ROR1: variants seen among roughly 807,000 people sequenced by gnomAD.
ROR1 encodes the protein ROR family WNT receptor 1, also known as inactive tyrosine-protein kinase transmembrane receptor ROR1.
Under a neutral mutation model 78.8 loss-of-function variants are expected in ROR1, and 19 were observed. The observed-to-expected ratio is 0.24, with a 90% CI of 0.17 to 0.35. The LOEUF (loss-of-function observed/expected upper bound fraction) is 0.35, where lower values mean the gene tolerates loss of function less well. ROR1 is among the 10% of genes least tolerant of loss of function. ROR1 has a pLI of 1.00. For synonymous variants in ROR1, 386 were observed against 433.6 expected (o/e 0.89, Z 1.36); for missense variants, 917 against 1,177.8 (o/e 0.78, Z 3.24).
At chr1:64,127,396 C>A (rs558653008) in intron 4 of ROR1, among the ~76,000 whole-genome samples, 21 of 152,034 alleles carry the variant, frequency 1.4e-4, no homozygotes, top group African/African-American at 4.8e-4. Flanking sequence ...GTATAGTAAG[C>A]TTTCATCTCT....
intron 1 of ROR1, among the ~76,000 whole-genome samples, chr1:63,778,168 T>G (rs1428224635): frequency 6.6e-6 from 1 of 152,144 alleles, no homozygotes; most frequent in Non-Finnish European, 1.5e-5. Flanking sequence ...TGAAGTGAGG[T>G]CATGCATGTA....
intron 1 of ROR1, among the ~76,000 whole-genome samples, chr1:63,790,465 C>T (rs753271805): frequency 1.3e-5 from 2 of 152,222 alleles, no homozygotes; most frequent in African/African-American, 2.4e-5. Flanking sequence ...TGCAGGAGAG[C>T]AATGGGCAGC....
chr1:64,009,825 G>A (rs1646461626), intron 2 of ROR1, among the ~76,000 whole-genome samples: 1 of 152,158 alleles, frequency 6.6e-6, no homozygotes, highest in Non-Finnish European at 1.5e-5. Flanking sequence ...CATAAGGATG[G>A]CAGCTTCCTT....
chr1:63,793,992 C>A (rs531217645), intron 1 of ROR1, among the ~76,000 whole-genome samples: 1 of 152,252 alleles, frequency 6.6e-6, no homozygotes, highest in African/African-American at 2.4e-5. Context: ...ATAGAACTGC[C>A]GCTAATGCAG....
intron 4 of ROR1, among the ~76,000 whole-genome samples, chr1:64,133,537 G>A (rs1388865666): frequency 1.3e-5 from 2 of 152,188 alleles, no homozygotes; most frequent in Non-Finnish European, 2.9e-5. Context: ...CCAATCCCAT[G>A]GCAGAGAATA....
chr1:64,050,052 CAGGA>C, intron 3 of ROR1, 74 bp downstream of exon 3: 2 of 1,517,436 alleles, frequency 1.3e-6, no homozygotes, highest in Non-Finnish European at 9.0e-7. Context: ...TCCACAGGGA[CAGGA>C]AGGAAGGAAT....
At chr1:64,142,312 C>A in intron 6 of ROR1, 93 bp from the exon 7 acceptor site, 1 of 1,534,288 alleles carries the variant, frequency 6.5e-7, no homozygotes, top group Non-Finnish European at 8.8e-7. Flanking sequence ...AGGTTAATTA[C>A]CTGCCCTCCC....
chr1:64,007,624 T>C (rs1445193273), intron 1 of ROR1, among the ~76,000 whole-genome samples: 4 of 152,218 alleles, frequency 2.6e-5, no homozygotes, highest in Non-Finnish European at 4.4e-5. Flanking sequence ...TTGCTTTGAT[T>C]CATGATGGCT....
intron 1 of ROR1, among the ~76,000 whole-genome samples, chr1:63,951,390 C>T (rs1182441528): frequency 6.6e-6 from 1 of 152,088 alleles, no homozygotes; most frequent in Non-Finnish European, 1.5e-5. Flanking sequence ...AGATAATAAG[C>T]AACTAAATGA....
chr1:64,028,861 G>C (rs181142213), intron 2 of ROR1: 7 of 152,196 alleles, frequency 4.6e-5, no homozygotes, highest in African/African-American at 9.6e-5. Flanking sequence ...TACCCCTGTT[G>C]TGCTATCAAT....
At chr1:64,108,726 A>C (rs1026954350) in intron 4 of ROR1, among the ~76,000 whole-genome samples, 5 of 152,166 alleles carry the variant, frequency 3.3e-5, no homozygotes, top group Non-Finnish European at 5.9e-5. Context: ...TGACAGTCTA[A>C]AATGGAAAAG....
chr1:63,889,417 A>G (rs1019491848), intron 1 of ROR1, among the ~76,000 whole-genome samples: 1 of 152,152 alleles, frequency 6.6e-6, no homozygotes, highest in African/African-American at 2.4e-5. Flanking sequence ...ATAAGTTCCC[A>G]AAGTCATCTA....
rs140287907 is a variant in ROR1 at position 64,079,267 on chromosome 1, T to A, written c.482+28551T>A. Among the ~76,000 whole-genome samples the A allele has an allele frequency of 7.4e-3, 1,124 of 152,352 alleles. 9 individuals carry two copies. Among genetic ancestry groups the A allele is most frequent in the Non-Finnish European group, 0.012 (829 of 68,028 alleles). Reference sequence around the variant, plus strand: ...TAAGTAGCACTATCCAGCAATGGAATAATCTGCCTCTTGAAGGATTTCAAT... The same window carrying A: ...TAAGTAGCACTATCCAGCAATGGAAAAATCTGCCTCTTGAAGGATTTCAAT... On this transcript the variant is annotated intron_variant, in intron 4 of 8. Transcript: ENST00000371079.
intron 1 of ROR1, among the ~76,000 whole-genome samples, chr1:63,841,405 G>C (rs924338340): frequency 7.2e-5 from 11 of 152,150 alleles, no homozygotes; most frequent in Non-Finnish European, 1.2e-4. Context: ...TTTTTGTTAT[G>C]TTGAATGAAT....
intron 2 of ROR1, among the ~76,000 whole-genome samples, chr1:64,038,396 A>G (rs1043709574): frequency 1.6e-4 from 24 of 152,054 alleles, no homozygotes; most frequent in African/African-American, 5.8e-4. Flanking sequence ...TGCCTTCAAC[A>G]CTCAGCATCT....
intron 1 of ROR1, among the ~76,000 whole-genome samples, chr1:63,840,948 GTC>G (rs1557521754): frequency 1.3e-5 from 2 of 151,902 alleles, no homozygotes; most frequent in African/African-American, 4.9e-5. Flanking sequence ...GTTCCTAAGG[GTC>G]TGTGTTTCTA....
rs1332600221 is a variant in ROR1 at position 64,178,610 on chromosome 1, A to G, written c.2569A>G (p.Ser857Gly). ...CCCACCTCCCAAGAGTCGGTCCCCA[A>G]GCAGTGCCAGTGGGTCGACTAGCAC... ...HCPPPKSRSP[S>G]SASGSTSTGH... The change falls in exon 9 of 9, where the codon AGC becomes GGC. Residue 857 changes from serine (S) to glycine (G), a missense_variant. By Grantham distance (56) the Ser-to-Gly change is moderately conservative. Transcript: ENST00000371079. This position sits in a 1 kb window ranked among gnomAD's most constrained non-coding sequence, Gnocchi z 4.3. 1 of 1,614,200 alleles carries G rather than the reference A, an allele frequency of 6.2e-7. No individual in the cohort carries two copies. Among genetic ancestry groups the G allele is most frequent in the South Asian group, 1.1e-5 (1 of 91,086 alleles).
intron 8 of ROR1, among the ~76,000 whole-genome samples, chr1:64,166,733 C>T (rs1464129076): frequency 6.6e-6 from 1 of 152,146 alleles, no homozygotes; most frequent in Non-Finnish European, 1.5e-5. Flanking sequence ...TTGGACAGCT[C>T]TCGTATTCCT....
intron 1 of ROR1, among the ~76,000 whole-genome samples, chr1:63,958,373 G>A (rs959300562): frequency 1.3e-5 from 2 of 151,956 alleles, no homozygotes; most frequent in African/African-American, 2.4e-5. Flanking sequence ...ATTTGACAAC[G>A]AGAACATAGG....
Sources: allele counts gnomAD v4.1 joint callset (sites outside exome capture counted in the v4.1 genomes callset), GRCh38; gene constraint gnomAD v4.1.1; non-coding constraint Gnocchi (gnomAD v3.1); transcripts MANE v1.5; gene names NCBI Gene and HGNC (gene_info 2026-07-23, HGNC 2026-07-21).